Variants in BACE2 observed in about 807,000 individuals in gnomAD.
BACE2 encodes the protein beta-secretase 2, also known as 56 kDa aspartic-like protease.
In BACE2, 17 loss-of-function variants were observed where a neutral mutation model predicts 46.2. The ratio of observed to expected loss-of-function variants is 0.37; its 90% CI spans 0.25 to 0.55. BACE2 has a LOEUF of 0.55. BACE2 is among the 20% of genes least tolerant of loss of function. The pLI is 0.82. For missense variants in BACE2, 595 were observed against 698.1 expected, an observed-to-expected ratio of 0.85 and a Z score of 1.66; for synonymous variants, 277 against 295.9, an observed-to-expected ratio of 0.94 and a Z score of 0.66.
At position 41,278,913 on chromosome 21, in the gene BACE2, G is replaced by C. The variant is rs886876821; in HGVS notation, c.*3289G>C. 1 of 152,162 alleles carries C rather than the reference G, an allele frequency of 6.6e-6. No homozygotes were observed. Among genetic ancestry groups the C allele is most frequent in the African/African-American group, 2.4e-5 (1 of 41,440 alleles). 9.4% of individuals were successfully genotyped at this position (152,162 alleles called of 1,614,324 possible). ...AATTTCACAGACTTTATCCTGATTA[G>C]TGGAAATCAAATAATGGAGTGGAAT... is the stretch of plus-strand genomic sequence containing the variant. On this transcript the variant is annotated 3_prime_UTR_variant, in exon 9 of 9. Transcript: ENST00000330333.
At chr21:41,174,138 C>CTTTGTTTTTTTTTTTTTTTTT (rs1568853912) in intron 1 of BACE2, among the ~76,000 whole-genome samples, 1 of 70,650 alleles carries the variant, frequency 1.4e-5, no homozygotes, top group African/African-American at 9.5e-5. Context: ...TGATCAGTGG[C>CTTTGTTTTTTTTTTTTTTTTT]CTTTTTTTTT....
chr21:41,210,874 T>C (rs1056766370), intron 1 of BACE2, among the ~76,000 whole-genome samples: 1 of 152,212 alleles, frequency 6.6e-6, no homozygotes, highest in African/African-American at 2.4e-5. Flanking sequence ...TGAATATTCA[T>C]AGTTCCTCCT....
At chr21:41,254,556 G>A (rs557467894) in intron 7 of BACE2, among the ~76,000 whole-genome samples, 1 of 152,192 alleles carries the variant, frequency 6.6e-6, no homozygotes. Context: ...CCAAACAGGG[G>A]CATTTTGTCA....
chr21:41,226,404 C>G, intron 2 of BACE2, 50 bp downstream of exon 2: 1 of 1,482,670 alleles, frequency 6.7e-7, no homozygotes, highest in African/African-American at 1.4e-5. Context: ...ACTGCATGAT[C>G]AACATGCTTC....
Position 41,275,759 on chromosome 21 carries a change from C to T in BACE2, c.*135C>T. 1 of 991,902 alleles carries T rather than the reference C, an allele frequency of 1.0e-6. No individual in the cohort carries two copies. Among genetic ancestry groups the T allele is most frequent in the South Asian group, 1.7e-5 (1 of 57,368 alleles). 61.4% of individuals were successfully genotyped at this position (991,902 alleles called of 1,614,324 possible). ...TCAATCTCTGTTCTGCTCCCAGATGCCTTCTAGATTCACTGTCTTTTGATT... is the reference window on the plus strand; with the variant it reads ...TCAATCTCTGTTCTGCTCCCAGATGTCTTCTAGATTCACTGTCTTTTGATT... On this transcript the variant is annotated 3_prime_UTR_variant, in exon 9 of 9. Coordinates refer to ENST00000330333, the MANE Select transcript of BACE2 (RefSeq NM_012105.5).
chr21:41,212,202 T>C (rs563796671), intron 1 of BACE2, among the ~76,000 whole-genome samples: 35 of 152,348 alleles, frequency 2.3e-4, no homozygotes, highest in Non-Finnish European at 3.8e-4. Context: ...GATTGAGGTC[T>C]AGTGAGGGCT....
intron 1 of BACE2, among the ~76,000 whole-genome samples, chr21:41,192,691 C>T (rs1370464063): frequency 1.3e-5 from 2 of 152,222 alleles, no homozygotes; most frequent in African/African-American, 2.4e-5. Flanking sequence ...TCTGCTGGGT[C>T]GTATGGCCCA....
chr21:41,214,809 GGA>G (rs1986405866), intron 1 of BACE2, among the ~76,000 whole-genome samples: 2 of 152,338 alleles, frequency 1.3e-5, no homozygotes, highest in South Asian at 4.1e-4. Flanking sequence ...CAGCTGTCAT[GGA>G]GGGCGCACTG....
chr21:41,174,696 C>T (rs980710230), intron 1 of BACE2, among the ~76,000 whole-genome samples: 3 of 152,100 alleles, frequency 2.0e-5, no homozygotes, highest in Non-Finnish European at 2.9e-5. Context: ...ACAGCAGGAA[C>T]GGGGTGGTGG....
At chr21:41,209,976 A>T (rs774359310) in intron 1 of BACE2, among the ~76,000 whole-genome samples, 3 of 152,146 alleles carry the variant, frequency 2.0e-5, no homozygotes, top group African/African-American at 7.2e-5. Flanking sequence ...GAAAGTTTCA[A>T]AACTCAGTCA....
At chr21:41,173,657 A>T (rs1428974521) in intron 1 of BACE2, among the ~76,000 whole-genome samples, 1 of 152,096 alleles carries the variant, frequency 6.6e-6, no homozygotes, top group East Asian at 1.9e-4. Context: ...GAGGCAGGAG[A>T]ATTGCTTGAA....
chr21:41,188,670 G>A (rs1985462785), intron 1 of BACE2, among the ~76,000 whole-genome samples: 1 of 152,210 alleles, frequency 6.6e-6, no homozygotes, highest in Admixed American at 6.5e-5. Context: ...TGAGCTAAGG[G>A]CAGGATTTAC....
intron 1 of BACE2, among the ~76,000 whole-genome samples, chr21:41,223,546 T>C (rs1221087616): frequency 6.6e-6 from 1 of 152,182 alleles, no homozygotes; most frequent in Non-Finnish European, 1.5e-5. Context: ...CTGTCTCTGC[T>C]GTTACTTGGC....
At chr21:41,241,731 T>C (rs552200437) in intron 3 of BACE2, 88 bp from the exon 4 acceptor site, 3 of 1,479,584 alleles carry the variant, frequency 2.0e-6, no homozygotes, top group African/African-American at 1.4e-5. Context: ...ACACCAGGAA[T>C]GTCTGTGGCG....
intron 8 of BACE2, among the ~76,000 whole-genome samples, chr21:41,260,995 A>G (rs1478095447): frequency 6.6e-6 from 1 of 152,130 alleles, no homozygotes; most frequent in Admixed American, 6.5e-5. Context: ...CCATATTGAT[A>G]TGAGTCCTAG....
chr21:41,238,977 A>G (rs1214527363), intron 3 of BACE2, among the ~76,000 whole-genome samples: 4 of 150,632 alleles, frequency 2.7e-5, no homozygotes, highest in African/African-American at 9.7e-5. Context: ...AAAAAAAAAA[A>G]AAGAACTGCA....
At chr21:41,249,491 A>C (rs1036800266) in intron 6 of BACE2, among the ~76,000 whole-genome samples, 8 of 152,200 alleles carry the variant, frequency 5.3e-5, no homozygotes, top group Admixed American at 1.3e-4. Flanking sequence ...AAATGTGGTC[A>C]TGGCATTCCT....
intron 2 of BACE2, 74 bp downstream of exon 2, chr21:41,226,428 G>A: frequency 2.2e-6 from 3 of 1,336,092 alleles, no homozygotes; most frequent in Non-Finnish European, 3.2e-6. Flanking sequence ...ATGCACCAGA[G>A]CATGACAGCC....
intron 6 of BACE2, among the ~76,000 whole-genome samples, chr21:41,248,183 G>C (rs896069232): frequency 6.6e-6 from 1 of 152,164 alleles, no homozygotes; most frequent in Non-Finnish European, 1.5e-5. Context: ...CAGGCCCAGC[G>C]CCTCTCTACG....
Sources: allele counts gnomAD v4.1 joint callset (sites outside exome capture counted in the v4.1 genomes callset), GRCh38; gene constraint gnomAD v4.1.1; transcripts MANE v1.5; gene names NCBI Gene and HGNC (gene_info 2026-07-23, HGNC 2026-07-21).